FANCE: variants seen among roughly 807,000 people sequenced by gnomAD.
FANCE encodes FA complementation group E.
A neutral mutation model predicts 57.8 loss-of-function variants in FANCE; 42 were observed. The observed-to-expected ratio is 0.73, with a 90% CI of 0.57 to 0.94. The LOEUF is 0.94. FANCE is among the 40% of genes least tolerant of loss of function. The probability of loss-of-function intolerance (pLI) is 0.00; values close to 1 mark genes in which losing one functional copy is unlikely to be tolerated. For missense variants in FANCE, 608 were observed against 661.8 expected, an observed-to-expected ratio of 0.92 and a Z score of 0.89; for synonymous variants, 251 against 286.4, an observed-to-expected ratio of 0.88 and a Z score of 1.25.
chr6:35,454,077 T>G (rs537413457), intron 1 of FANCE, among the ~76,000 whole-genome samples: 24 of 152,068 alleles, frequency 1.6e-4, no homozygotes, highest in East Asian at 9.6e-4. Flanking sequence ...GTTTTGTTTT[T>G]TTTTTTGACG....
chr6:35,461,910 G>A (rs902268989), intron 8 of FANCE, among the ~76,000 whole-genome samples: 2 of 151,866 alleles, frequency 1.3e-5, no homozygotes. Flanking sequence ...GCCTTCCAAA[G>A]TGCTGGGATT....
Position 35,458,420 on chromosome 6 carries a change from A to G in FANCE, c.1093A>G (p.Arg365Gly), listed in dbSNP as rs1767440676. 6.2e-7 allele frequency: 1 copy of G among 1,614,192 alleles called. No individual in the cohort carries two copies. Among genetic ancestry groups the G allele is most frequent in the Non-Finnish European group, 8.5e-7 (1 of 1,180,034 alleles). Residue 365 changes from arginine to glycine, a missense_variant, in exon 5 of 10, where the codon AGA (arginine) becomes GGA (glycine). Transcript: ENST00000229769. Reference sequence around the variant, plus strand: ...CCTCAGCAATGCTACTGTGCTGACCAGAAGCCTCTTTCTTGGACGGGTAGG... The same window carrying G: ...CCTCAGCAATGCTACTGTGCTGACCGGAAGCCTCTTTCTTGGACGGGTAGG... ...LSLSNATVLTRSLFLGRILSL... is the reference protein window; with the variant it reads ...LSLSNATVLTGSLFLGRILSL...
rs1307357667 is a variant in FANCE at position 35,467,077 on chromosome 6, G to A, written c.*732G>A. 2.9e-5 allele frequency: 6 copies of A among 205,318 alleles called. No homozygotes were observed. The highest frequency in any genetic ancestry group is 6.0e-5 in the Non-Finnish European group (6 of 100,670). The allele number at this position is 205,318 out of a possible 1,614,324, so 12.7% of individuals were successfully genotyped here. A position where few individuals can be genotyped will look rare whatever the true frequency, so the allele number is the denominator to read the frequency against. On this transcript the variant is annotated 3_prime_UTR_variant, in exon 10 of 10. Coordinates refer to ENST00000229769, the MANE Select transcript of FANCE (RefSeq NM_021922.3). ...TTCTGACTTGAATAATTTATCAATG[G>A]TGTTGAATAAAAGCAAGTTCAATAA...
At chr6:35,460,760 G>A (rs867420559) in intron 8 of FANCE, 142 bp downstream of exon 8, 37 of 766,628 alleles carry the variant, frequency 4.8e-5, no homozygotes, top group African/African-American at 4.8e-4. Flanking sequence ...TGAGACAGTG[G>A]GAGAGCCCTG....
At chr6:35,454,575 G>T (rs1023290238) in intron 1 of FANCE, among the ~76,000 whole-genome samples, 2 of 152,138 alleles carry the variant, frequency 1.3e-5, no homozygotes, top group African/African-American at 4.8e-5. Flanking sequence ...CTCAGGTCAC[G>T]TAGGATCTGG....
chr6:35,457,717 G>A (rs1767405771), intron 3 of FANCE, 117 bp downstream of exon 3: 1 of 1,241,910 alleles, frequency 8.1e-7, no homozygotes, highest in Non-Finnish European at 1.2e-6. Flanking sequence ...AGGGGGACTG[G>A]AGTAAAGGTC....
At position 35,466,766 on chromosome 6, in the gene FANCE, T is replaced by C; in HGVS notation, c.*421T>C. 1 of 331,524 alleles carries C rather than the reference T, an allele frequency of 3.0e-6. No individual in the cohort carries two copies. Among genetic ancestry groups the C allele is most frequent in the Non-Finnish European group, 5.7e-6 (1 of 176,266 alleles). 20.5% of individuals were successfully genotyped at this position (331,524 alleles called of 1,614,324 possible). A position where few individuals can be genotyped will look rare whatever the true frequency, so the allele number is the denominator to read the frequency against. On this transcript the variant is annotated 3_prime_UTR_variant, in exon 10 of 10. Coordinates refer to ENST00000229769, the MANE Select transcript of FANCE (RefSeq NM_021922.3). Reference sequence around the variant, plus strand: ...TTGTAGATAATATGCTGGTCAGGGCTGGTCTTGAACTCCTGAGCTCAAGTG... The same window carrying C: ...TTGTAGATAATATGCTGGTCAGGGCCGGTCTTGAACTCCTGAGCTCAAGTG...
At chr6:35,461,594 A>G (rs1267751033) in intron 8 of FANCE, among the ~76,000 whole-genome samples, 2 of 151,074 alleles carry the variant, frequency 1.3e-5, no homozygotes, top group African/African-American at 4.9e-5. Context: ...TTTTTTTCAT[A>G]TCAGTACCTG....
Position 35,461,787 on chromosome 6 carries a change from A to G in FANCE, c.1384-1002A>G, listed in dbSNP as rs1324509745. Among the ~76,000 whole-genome samples, 3 of 151,682 alleles carry G rather than the reference A, an allele frequency of 2.0e-5. No homozygotes were observed. In the East Asian group the frequency reaches 5.8e-4, roughly 30 times the overall value. On this transcript the variant is annotated intron_variant, in intron 8 of 9. Coordinates refer to ENST00000229769, the MANE Select transcript of FANCE (RefSeq NM_021922.3). ...CTCAGCCTCCCGAGTAGCTGGGACT[A>G]CAGGCGCCCACCACCACACCCGGCT... is the stretch of plus-strand genomic sequence containing the variant.
Position 35,466,651 on chromosome 6 carries a change from C to T in FANCE, c.*306C>T. The stretch of plus-strand genomic sequence containing the variant: ...GCGATTGATCATGGCTCACTGTAAC[C>T]TCTGCCTCCCAGGCTCGATCCTCCC... On this transcript the variant is annotated 3_prime_UTR_variant, in exon 10 of 10. Coordinates refer to ENST00000229769, the MANE Select transcript of FANCE (RefSeq NM_021922.3). The T allele has an allele frequency of 2.3e-6, 1 of 437,318 alleles. No individual in the cohort carries two copies. The highest frequency in any genetic ancestry group is 4.3e-6 in the Non-Finnish European group (1 of 233,928). 27.1% of individuals were successfully genotyped at this position (437,318 alleles called of 1,614,324 possible).
rs536294412 is a variant in FANCE, at chr6:35,459,292, G to T, written c.1114-39G>T. 1.0e-4 allele frequency: 165 copies of T among 1,612,120 alleles called. 3 individuals are homozygous for T. In the South Asian group the frequency reaches 1.8e-3, roughly 17 times the overall value. On this transcript the variant is annotated intron_variant, in intron 5 of 9. Transcript: ENST00000229769. ...ATTTGATAAATGCTGTTGAAATGAAGAAGAAAATAATTAATTTTTTCCTCC... is the reference window on the plus strand; with the variant it reads ...ATTTGATAAATGCTGTTGAAATGAATAAGAAAATAATTAATTTTTTCCTCC...
intron 9 of FANCE, among the ~76,000 whole-genome samples, chr6:35,463,896 C>T (rs571339872): frequency 2.6e-5 from 4 of 152,128 alleles, no homozygotes; most frequent in African/African-American, 9.6e-5. Flanking sequence ...GAACTCCTGA[C>T]CTTGTGATCA....
At chr6:35,455,716 C>T (rs1767299086) in intron 1 of FANCE, 31 bp from the exon 2 acceptor site, 8 of 1,612,438 alleles carry the variant, frequency 5.0e-6, no homozygotes, top group Non-Finnish European at 6.8e-6. Context: ...CAGCCAAACA[C>T]TTAACTGCTT....
At chr6:35,462,702 G>T in intron 8 of FANCE, 87 bp from the exon 9 acceptor site, 2 of 1,581,484 alleles carry the variant, frequency 1.3e-6, no homozygotes, top group East Asian at 4.5e-5. Flanking sequence ...CTAGGAAGTG[G>T]TGGAGTTGGG....
Position 35,455,606 on chromosome 6 carries a change from T to C in FANCE, c.249-141T>C. The C allele has an allele frequency of 2.9e-6, 3 of 1,022,200 alleles. No individual in the cohort carries two copies. The East Asian group carries it at 7.1e-5, about 24-fold the overall frequency. 63.3% of individuals were successfully genotyped at this position (1,022,200 alleles called of 1,614,324 possible). Reference sequence around the variant, plus strand: ...AATTACAGGTGTGAGTCACCACACCTGGCCAACATCCACTGACTCTTGCAG... The same window carrying C: ...AATTACAGGTGTGAGTCACCACACCCGGCCAACATCCACTGACTCTTGCAG... On this transcript the variant is annotated intron_variant, in intron 1 of 9. Transcript: ENST00000229769.
chr6:35,460,719 C>T, intron 8 of FANCE, 101 bp downstream of exon 8: 1 of 1,062,106 alleles, frequency 9.4e-7, no homozygotes. Context: ...CATGGAGGGT[C>T]AAGCAGGACA....
chr6:35,456,498 G>A lies in FANCE; in HGVS notation c.855+145G>A. ...AGGAGGAAGGTAGGGTTGAGGGAATGTAGCCTCCACTCTACAGACTCTTTT... is the reference window on the plus strand; with the variant it reads ...AGGAGGAAGGTAGGGTTGAGGGAATATAGCCTCCACTCTACAGACTCTTTT... On this transcript the variant is annotated intron_variant, in intron 2 of 9. Coordinates refer to ENST00000229769, the MANE Select transcript of FANCE (RefSeq NM_021922.3). This position sits in a 1 kb window ranked among gnomAD's most constrained non-coding sequence, Gnocchi z 4.3. 1 of 1,048,508 alleles carries A rather than the reference G, an allele frequency of 9.5e-7. No homozygotes were observed. Among genetic ancestry groups the A allele is most frequent in the Non-Finnish European group, 1.5e-6 (1 of 677,244 alleles). 65.0% of individuals were successfully genotyped at this position (1,048,508 alleles called of 1,614,324 possible).
intron 9 of FANCE, 78 bp downstream of exon 9, chr6:35,462,992 T>G (rs1767653801): frequency 6.3e-7 from 1 of 1,596,010 alleles, no homozygotes; most frequent in South Asian, 1.1e-5. Flanking sequence ...TATGAATATG[T>G]ATGTCAGGGA....
At chr6:35,458,500 TC>T (rs774356801) in intron 5 of FANCE, 60 bp downstream of exon 5, 10 of 1,591,786 alleles carry the variant, frequency 6.3e-6, no homozygotes, top group Non-Finnish European at 8.6e-6. Context: ...AACTGGGCCC[TC>T]AGAAGGGTGG....
Sources: allele counts gnomAD v4.1 joint callset (sites outside exome capture counted in the v4.1 genomes callset), GRCh38; gene constraint gnomAD v4.1.1; non-coding constraint Gnocchi (gnomAD v3.1); transcripts MANE v1.5; gene names NCBI Gene and HGNC (gene_info 2026-07-23, HGNC 2026-07-21).